Variants in EPN2 observed in about 807,000 individuals in gnomAD.
The protein encoded by EPN2 is epsin-2.
EPN2 carries 34 observed loss-of-function variants against 61.7 expected under a neutral mutation model. That is an observed-to-expected ratio of 0.55 (90% CI 0.42 to 0.73). The LOEUF is 0.73. Among genes scored for constraint, EPN2 ranks in the 30% least tolerant of loss-of-function variants. The pLI is 0.00. For missense variants in EPN2, 714 were observed against 839.2 expected (o/e 0.85, Z 1.84); for synonymous variants, 349 against 353.6 (o/e 0.99, Z 0.15).
At chr17:19,330,043 G>A (rs1424910441) in intron 9 of EPN2, among the ~76,000 whole-genome samples, 1 of 152,146 alleles carries the variant, frequency 6.6e-6, no homozygotes, top group African/African-American at 2.4e-5. Flanking sequence ...GCCCTGTGTT[G>A]TCACCTCCCA....
intron 1 of EPN2, among the ~76,000 whole-genome samples, chr17:19,246,218 C>T (rs1297665244): frequency 1.3e-5 from 2 of 152,050 alleles, no homozygotes; most frequent in African/African-American, 4.8e-5. Flanking sequence ...ATTAGCTGGG[C>T]GTGGTGGCGC....
At chr17:19,266,280 A>C (rs776103708) in intron 1 of EPN2, among the ~76,000 whole-genome samples, 1 of 152,240 alleles carries the variant, frequency 6.6e-6, no homozygotes, top group Non-Finnish European at 1.5e-5. Context: ...GCAGTTCCTC[A>C]AAAGTTAAAC....
intron 4 of EPN2, chr17:19,308,076 CATTT>C (rs1905937368): frequency 1.0e-6 from 1 of 965,902 alleles, no homozygotes; most frequent in Non-Finnish European, 1.2e-6. Context: ...ACAATTAGAA[CATTT>C]ATTTATTTTT....
At chr17:19,252,118 A>G (rs1388060990) in intron 1 of EPN2, among the ~76,000 whole-genome samples, 1 of 151,876 alleles carries the variant, frequency 6.6e-6, no homozygotes, top group East Asian at 1.9e-4. Flanking sequence ...TGGATTTTGG[A>G]TTTTCACATT....
At chr17:19,306,216 C>T (rs1905834838) in intron 4 of EPN2, 1 of 152,272 alleles carries the variant, frequency 6.6e-6, no homozygotes, top group Non-Finnish European at 1.5e-5. Context: ...AGGCCAGGCT[C>T]AGGTGGTCAG....
intron 1 of EPN2, among the ~76,000 whole-genome samples, chr17:19,279,474 T>G (rs1352743302): frequency 6.6e-6 from 1 of 151,766 alleles, no homozygotes; most frequent in Non-Finnish European, 1.5e-5. Context: ...AGTCTCACTG[T>G]GTCACCCAGG....
chr17:19,323,861 G>A (rs1400855852), intron 7 of EPN2, among the ~76,000 whole-genome samples: 1 of 152,228 alleles, frequency 6.6e-6, no homozygotes, highest in Non-Finnish European at 1.5e-5. Context: ...AAAACACTAA[G>A]AGAATTTGTT....
chr17:19,243,384 A>ATTTTT lies in EPN2; in HGVS notation c.-294+5877_-294+5881dup, dbSNP rs1013094131. 2.3e-4 allele frequency among the ~76,000 whole-genome samples: 18 copies of ATTTTT among 77,264 alleles called. No individual in the cohort carries two copies. In the South Asian group the frequency reaches 3.6e-3, roughly 16 times the overall value. 50.7% of individuals were successfully genotyped at this position (77,264 alleles called of 152,430 possible). Reference sequence around the variant, plus strand: ...AGGTGTGTGCTACCATGCCTGGCTAATTTTTTTTTTTTTTTTTTTTTTTTT... The same window carrying ATTTTT: ...AGGTGTGTGCTACCATGCCTGGCTAATTTTTTTTTTTTTTTTTTTTTTTTTTTTTT... On this transcript the variant is annotated intron_variant, in intron 1 of 10. Transcript: ENST00000314728.
At chr17:19,315,859 A>G (rs1906358081) in intron 7 of EPN2, among the ~76,000 whole-genome samples, 1 of 152,184 alleles carries the variant, frequency 6.6e-6, no homozygotes. Flanking sequence ...ACCATCAGAT[A>G]TCTAATTCCA....
intron 7 of EPN2, 136 bp from the exon 8 acceptor site, chr17:19,328,575 A>G: frequency 1.3e-6 from 1 of 780,240 alleles, no homozygotes; most frequent in Non-Finnish European, 2.0e-6. Flanking sequence ...GGCGTGGGAC[A>G]GTACCCTTTT....
intron 7 of EPN2, among the ~76,000 whole-genome samples, chr17:19,319,675 T>C (rs1906556617): frequency 6.6e-6 from 1 of 150,826 alleles, no homozygotes; most frequent in South Asian, 2.1e-4. Flanking sequence ...TGAGAGAAGG[T>C]TTCCCTCTGT....
Position 19,336,137 on chromosome 17 carries a change from G to A in EPN2, c.*1883G>A, listed in dbSNP as rs1182469870. ...CTGAGGCCGCCCTCTCCAGTCCCAG[G>A]AGCCGTGTCTAGAGTTCCTGACCAG... On this transcript the variant is annotated 3_prime_UTR_variant, in exon 11 of 11. Coordinates refer to ENST00000314728, the MANE Select transcript of EPN2 (RefSeq NM_014964.5). The A allele has an allele frequency of 6.6e-6, 1 of 152,262 alleles. No individual in the cohort carries two copies. Among genetic ancestry groups the A allele is most frequent in the Non-Finnish European group, 1.5e-5 (1 of 68,086 alleles). The allele number at this position is 152,262 out of a possible 1,614,324, so 9.4% of individuals were successfully genotyped here. A position where few individuals can be genotyped will look rare whatever the true frequency, so the allele number is the denominator to read the frequency against.
intron 1 of EPN2, among the ~76,000 whole-genome samples, chr17:19,266,055 C>T (rs1487358857): frequency 6.6e-6 from 1 of 152,102 alleles, no homozygotes; most frequent in Non-Finnish European, 1.5e-5. Context: ...TTCTGTCTTC[C>T]TACTTCCGCC....
At chr17:19,305,911 G>C (rs1366286052) in intron 4 of EPN2, 1 of 152,212 alleles carries the variant, frequency 6.6e-6, no homozygotes, top group Non-Finnish European at 1.5e-5. Context: ...TGGTGTGACA[G>C]ACTGGAAAGG....
In EPN2 at chr17:19,334,290, T is replaced by C. The variant is rs1325663465; in HGVS notation, c.*36T>C. ...TGGGACCCACCCAGAGCACCTGTGC[T>C]GGAGGATGCCGAGCAGGGACTCTCG... On this transcript the variant is annotated 3_prime_UTR_variant, in exon 11 of 11. Transcript: ENST00000314728. The surrounding 1 kb of genome is among the most constrained non-coding windows in gnomAD (Gnocchi z 4.9). The C allele has an allele frequency of 2.2e-6, 3 of 1,390,328 alleles. No homozygotes were observed. The highest frequency in any genetic ancestry group is 2.8e-6 in the Non-Finnish European group (3 of 1,064,812). 86.1% of individuals were successfully genotyped at this position (1,390,328 alleles called of 1,614,324 possible). A position where few individuals can be genotyped will look rare whatever the true frequency, so the allele number is the denominator to read the frequency against.
rs1459425939 is a variant in EPN2 at position 19,334,198 on chromosome 17, G to A, written c.1870G>A (p.Gly624Ser). The A allele has an allele frequency of 2.2e-5, 34 of 1,550,154 alleles. No individual in the cohort carries two copies. The highest frequency in any genetic ancestry group is 2.9e-5 in the Non-Finnish European group (33 of 1,140,900). ...PAMMNMVGSV[G>S]IPPSAAQATG... is the part of the protein sequence containing the mutation. ...AATGATGAACATGGTGGGCAGTGTG[G>A]GTATACCCCCATCAGCAGCCCAGGC... Residue 624 changes from glycine to serine, a missense_variant, in exon 11 of 11, where the codon GGT becomes AGT. Coordinates refer to ENST00000314728, the MANE Select transcript of EPN2 (RefSeq NM_014964.5). The surrounding 1 kb of genome is among the most constrained non-coding windows in gnomAD (Gnocchi z 4.9).
At position 19,283,545 on chromosome 17, in the gene EPN2, T is replaced by G. The variant is rs2045377826; in HGVS notation, c.426T>G (p.Ala142=). 6.2e-7 allele frequency: 1 copy of G among 1,614,184 alleles called. No homozygotes were observed. Among genetic ancestry groups the G allele is most frequent in the East Asian group, 2.2e-5 (1 of 44,880 alleles). The change falls in exon 3 of 11, where the codon GCT becomes GCG. Residue 142 remains alanine (A), a synonymous_variant. Transcript: ENST00000314728. The surrounding 1 kb of genome is among the most constrained non-coding windows in gnomAD (Gnocchi z 7.0). ...TCAAGGACGAGGAACGGTTGAAGGCTGAGAGGGCCCAGGCTCTCAAAACCA... is the reference window on the plus strand; with the variant it reads ...TCAAGGACGAGGAACGGTTGAAGGCGGAGAGGGCCCAGGCTCTCAAAACCA... The part of the protein sequence containing the change: ...ALLKDEERLK[A]ERAQALKTKE...
chr17:19,250,229 G>A (rs1004230260), intron 1 of EPN2, among the ~76,000 whole-genome samples: 1 of 151,870 alleles, frequency 6.6e-6, no homozygotes, highest in Non-Finnish European at 1.5e-5. Context: ...CGAGTAGCTG[G>A]GATTACAGGT....
chr17:19,321,472 CT>C (rs1397630226), intron 7 of EPN2, among the ~76,000 whole-genome samples: 1 of 152,110 alleles, frequency 6.6e-6, no homozygotes, highest in Non-Finnish European at 1.5e-5. Flanking sequence ...AGTGAGAACC[CT>C]TTTCTGTTGC....
Sources: gnomAD v4.1 joint callset for allele counts (sites outside exome capture counted in the v4.1 genomes callset) on GRCh38, gnomAD v4.1.1 for gene constraint, Gnocchi (gnomAD v3.1) non-coding constraint, MANE v1.5 for transcripts, NCBI Gene and HGNC (gene_info 2026-07-23, HGNC 2026-07-21) for gene names.